The following FAF1 variants were observed in gnomAD, a reference collection of about 807,000 sequenced individuals.
The protein encoded by FAF1 is Fas associated factor 1.
Under a neutral mutation model 92.5 loss-of-function variants are expected in FAF1, and 25 were observed. The observed-to-expected ratio is 0.27, with a 90% CI of 0.20 to 0.38. The LOEUF (loss-of-function observed/expected upper bound fraction) is 0.38, where lower values mean the gene tolerates loss of function less well. Ranked by LOEUF, FAF1 falls within the 10% of genes least tolerant of loss-of-function variation. The pLI is 1.00. For synonymous variants in FAF1, 234 were observed against 273.2 expected (o/e 0.86, Z 1.42); for missense variants, 636 against 793.3 (o/e 0.80, Z 2.38).
In FAF1 at chr1:50,447,051, C is replaced by T. The variant is rs371476890; in HGVS notation, c.1870-5528G>A. On this transcript the variant is annotated intron_variant, in intron 18 of 18. Transcript: ENST00000396153. ...GGGTTCTCTCTCATTCCATGAGTTA[C>T]AGGCTTTAGGTTCAATATGTGGAAC... is the stretch of plus-strand genomic sequence containing the variant. Among the ~76,000 whole-genome samples, 16 of 150,898 alleles carry T rather than the reference C, an allele frequency of 1.1e-4. No individual in the cohort carries two copies. The East Asian group carries it at 2.9e-3, about 28-fold the overall frequency.
At chr1:50,927,718 T>C (rs1480294221) in intron 1 of FAF1, among the ~76,000 whole-genome samples, 1 of 152,190 alleles carries the variant, frequency 6.6e-6, no homozygotes, top group Non-Finnish European at 1.5e-5. Context: ...TTCATTTGTT[T>C]AAACAAATTT....
At chr1:50,539,295 A>G (rs1648646428) in intron 14 of FAF1, among the ~76,000 whole-genome samples, 2 of 152,230 alleles carry the variant, frequency 1.3e-5, no homozygotes, top group African/African-American at 4.8e-5. Context: ...GAAATGTCAC[A>G]CTTGACAACT....
At chr1:50,511,881 T>C (rs962907197) in intron 15 of FAF1, among the ~76,000 whole-genome samples, 2 of 152,228 alleles carry the variant, frequency 1.3e-5, no homozygotes, top group Non-Finnish European at 2.9e-5. Flanking sequence ...AGTGTTCCTA[T>C]TTCTCCACAT....
At chr1:50,941,536 T>C (rs150245360) in intron 1 of FAF1, among the ~76,000 whole-genome samples, 1 of 152,180 alleles carries the variant, frequency 6.6e-6, no homozygotes, top group East Asian at 1.9e-4. Flanking sequence ...TTTTCAAGTT[T>C]TTTGTAGAGA....
intron 3 of FAF1, among the ~76,000 whole-genome samples, chr1:50,789,456 A>G (rs559714572): frequency 2.6e-5 from 4 of 152,272 alleles, no homozygotes. Context: ...AACTCAATCC[A>G]GAAACCTGTG....
At chr1:50,743,972 G>C (rs1007811003) in intron 5 of FAF1, among the ~76,000 whole-genome samples, 2 of 152,040 alleles carry the variant, frequency 1.3e-5, no homozygotes, top group African/African-American at 2.4e-5. Flanking sequence ...CTGGGAGGCA[G>C]AAGCAGGAGA....
chr1:50,923,265 C>A (rs1644979885), intron 1 of FAF1, among the ~76,000 whole-genome samples: 1 of 151,928 alleles, frequency 6.6e-6, no homozygotes, highest in Non-Finnish European at 1.5e-5. Flanking sequence ...AAAAAATATT[C>A]CAAAAAAATT....
At position 50,505,353 on chromosome 1, in the gene FAF1, C is replaced by T. The variant is rs866267155; in HGVS notation, c.1495-13552G>A. Among the ~76,000 whole-genome samples, 3 of 152,216 alleles carry T rather than the reference C, an allele frequency of 2.0e-5. No homozygotes were observed. The South Asian group carries it at 6.2e-4, about 32-fold the overall frequency. ...TGAGAAAGGCAATAGAGAGAGACAG[C>T]CAAACACCTATTCCTCTCCAAAATG... On this transcript the variant is annotated intron_variant, in intron 15 of 18. Transcript: ENST00000396153.
intron 7 of FAF1, among the ~76,000 whole-genome samples, chr1:50,671,820 C>G (rs1019897269): frequency 1.1e-4 from 17 of 150,084 alleles, no homozygotes; most frequent in Non-Finnish European, 1.0e-4. Context: ...TTATTATTTA[C>G]TTTTAGAGAC....
chr1:50,959,216 T>C (rs1403896617), intron 1 of FAF1, among the ~76,000 whole-genome samples: 2 of 152,184 alleles, frequency 1.3e-5, no homozygotes, highest in Non-Finnish European at 2.9e-5. Context: ...CTCCTTGTTA[T>C]CTTCTTACCC....
chr1:50,740,157 A>G (rs1355579285), intron 5 of FAF1, among the ~76,000 whole-genome samples: 3 of 152,160 alleles, frequency 2.0e-5, no homozygotes, highest in Non-Finnish European at 4.4e-5. Context: ...GTAGGAATAA[A>G]TAAGTAACCC....
chr1:50,833,015 CT>C (rs1242993016), intron 2 of FAF1, among the ~76,000 whole-genome samples: 2 of 152,166 alleles, frequency 1.3e-5, no homozygotes, highest in Admixed American at 6.5e-5. Context: ...CTGTTATGGC[CT>C]TTTTTTCCCC....
At chr1:50,883,389 A>C (rs1644629913) in intron 1 of FAF1, among the ~76,000 whole-genome samples, 1 of 152,280 alleles carries the variant, frequency 6.6e-6, no homozygotes, top group South Asian at 2.1e-4. Flanking sequence ...AAATGACCAA[A>C]CTAAGTATCA....
chr1:50,636,726 T>C (rs1368938863), intron 8 of FAF1, among the ~76,000 whole-genome samples: 2 of 151,962 alleles, frequency 1.3e-5, no homozygotes, highest in African/African-American at 4.8e-5. Context: ...AATTTATCCA[T>C]TTTTTTTCCT....
rs960647667 is a variant in FAF1, at chr1:50,834,709, T to C, written c.114+23220A>G. 5.3e-5 allele frequency among the ~76,000 whole-genome samples: 8 copies of C among 152,206 alleles called. No homozygotes were observed. The East Asian group carries it at 5.8e-4, about 11-fold the overall frequency. ...ATATGTTAGCCTCCCTAAGGAAAAG[T>C]ATATTCATAGTGTGGGGATTAGAAG... On this transcript the variant is annotated intron_variant, in intron 2 of 18. Transcript: ENST00000396153.
chr1:50,892,884 T>C (rs1185699064), intron 1 of FAF1, among the ~76,000 whole-genome samples: 3 of 152,180 alleles, frequency 2.0e-5, no homozygotes, highest in Non-Finnish European at 4.4e-5. Context: ...TTCTTTTTTA[T>C]TCTTTTTTCT....
Position 50,575,620 on chromosome 1 carries a change from A to AC in FAF1, c.1113+6997_1113+6998insG, listed in dbSNP as rs1277838032. On this transcript the variant is annotated intron_variant, in intron 12 of 18. Coordinates refer to ENST00000396153, the MANE Select transcript of FAF1 (RefSeq NM_007051.3). Reference sequence around the variant, plus strand: ...TTCAAATATATTTTTCTAAAAAAAAAATTAGCATTCTAAGTCTTATTTCAC... The same window carrying AC: ...TTCAAATATATTTTTCTAAAAAAAAACATTAGCATTCTAAGTCTTATTTCAC... Among the ~76,000 whole-genome samples, 3 of 152,238 alleles carry AC rather than the reference A, an allele frequency of 2.0e-5. No individual in the cohort carries two copies. The East Asian group carries it at 5.8e-4, about 29-fold the overall frequency.
intron 18 of FAF1, among the ~76,000 whole-genome samples, chr1:50,457,187 T>C (rs1421871264): frequency 1.3e-5 from 2 of 151,796 alleles, no homozygotes; most frequent in Non-Finnish European, 2.9e-5. Context: ...AAAAGAATCT[T>C]CAGGTTTGGG....
intron 13 of FAF1, among the ~76,000 whole-genome samples, chr1:50,548,600 T>C (rs1557990682): frequency 6.6e-6 from 1 of 152,214 alleles, no homozygotes; most frequent in Non-Finnish European, 1.5e-5. Flanking sequence ...TTTCACTGTG[T>C]TTCCACCTCC....
Sources: allele counts gnomAD v4.1 joint callset (sites outside exome capture counted in the v4.1 genomes callset), GRCh38; gene constraint gnomAD v4.1.1; transcripts MANE v1.5; gene names NCBI Gene and HGNC (gene_info 2026-07-23, HGNC 2026-07-21).